Variants in ZYG11B observed in about 807,000 individuals in gnomAD.
ZYG11B encodes the protein protein zyg-11 homolog B.
ZYG11B carries 36 observed loss-of-function variants against 82.4 expected under a neutral mutation model. The observed-to-expected ratio is 0.44, with a 90% confidence interval of 0.33 to 0.58. The LOEUF (loss-of-function observed/expected upper bound fraction) is 0.58, where lower values mean the gene tolerates loss of function less well. Ranked by LOEUF, ZYG11B falls within the 20% of genes least tolerant of loss-of-function variation. ZYG11B has a pLI of 0.02. For synonymous variants in ZYG11B, 303 were observed against 312.8 expected (o/e 0.97, Z 0.33); for missense variants, 552 against 895.6 (o/e 0.62, Z 4.90).
chr1:52,807,985 T>A (rs141368944), intron 10 of ZYG11B, among the ~76,000 whole-genome samples: 9 of 152,360 alleles, frequency 5.9e-5, no homozygotes, highest in Non-Finnish European at 1.2e-4. Context: ...TCTGACTTGC[T>A]TCTTTCTAAT....
rs1268346317 is a variant in ZYG11B, at chr1:52,793,896, C to CTTCCTTCCTTCCTTCCTTCA, written c.1335-2390_1335-2389insCCTTCCTTCCTTCATTCCTT. 8.1e-3 allele frequency among the ~76,000 whole-genome samples: 1,212 copies of CTTCCTTCCTTCCTTCCTTCA among 148,962 alleles called. 21 individuals carry two copies. Among genetic ancestry groups the CTTCCTTCCTTCCTTCCTTCA allele is most frequent in the African/African-American group, 0.028 (1,109 of 39,760 alleles). ...CCTTCCTTCCTTCCTTCCTTCCTTC[C>CTTCCTTCCTTCCTTCCTTCA]TTCCTTTCTTTCCTTTCTTTCCTTT... On this transcript the variant is annotated intron_variant, in intron 6 of 13. Transcript: ENST00000294353.
intron 12 of ZYG11B, among the ~76,000 whole-genome samples, chr1:52,814,587 A>G (rs1645208478): frequency 6.6e-6 from 1 of 152,188 alleles, no homozygotes; most frequent in Non-Finnish European, 1.5e-5. Flanking sequence ...CCAGTGGGGT[A>G]GCACATACCT....
chr1:52,791,749 T>C (rs367712928), intron 6 of ZYG11B, among the ~76,000 whole-genome samples: 2 of 152,212 alleles, frequency 1.3e-5, no homozygotes, highest in African/African-American at 4.8e-5. Context: ...GAAAGAGGTG[T>C]TCCATTTTTT....
intron 1 of ZYG11B, among the ~76,000 whole-genome samples, chr1:52,755,724 C>T (rs552152525): frequency 1.3e-5 from 2 of 152,048 alleles, no homozygotes; most frequent in East Asian, 1.9e-4. Context: ...AGGCTGGTCT[C>T]GAACTCCCGA....
In ZYG11B at chr1:52,774,761, A is replaced by G. The variant is rs1644790150; in HGVS notation, c.951+2987A>G. 2.6e-5 allele frequency among the ~76,000 whole-genome samples: 4 copies of G among 151,692 alleles called. No individual in the cohort carries two copies. The South Asian group carries it at 8.3e-4, about 32-fold the overall frequency. Reference sequence around the variant, plus strand: ...TTACCATAGAATTTCCAGCTCTGTCATCAGTATTTCCCCACTCGATTTTCT... The same window carrying G: ...TTACCATAGAATTTCCAGCTCTGTCGTCAGTATTTCCCCACTCGATTTTCT... On this transcript the variant is annotated intron_variant, in intron 3 of 13. Coordinates refer to ENST00000294353, the MANE Select transcript of ZYG11B (RefSeq NM_024646.3).
chr1:52,786,982 C>T (rs1023954314), intron 5 of ZYG11B, among the ~76,000 whole-genome samples: 1 of 151,854 alleles, frequency 6.6e-6, no homozygotes, highest in Non-Finnish European at 1.5e-5. Flanking sequence ...CCCAGCTACT[C>T]GGGAGGCTGA....
chr1:52,821,414 G>T (rs745764072), intron 13 of ZYG11B, 25 bp from the exon 14 acceptor site: 1 of 1,531,660 alleles, frequency 6.5e-7, no homozygotes, highest in Non-Finnish European at 8.8e-7. Context: ...CTCCTGTTTT[G>T]TGTGTGTTTT....
chr1:52,809,776 A>G (rs1053105135), intron 10 of ZYG11B, among the ~76,000 whole-genome samples: 2 of 152,078 alleles, frequency 1.3e-5, no homozygotes, highest in Non-Finnish European at 2.9e-5. Context: ...GGTGTTGAGT[A>G]TATTTGTATG....
chr1:52,774,186 C>G (rs981605952), intron 3 of ZYG11B, among the ~76,000 whole-genome samples: 2 of 151,618 alleles, frequency 1.3e-5, no homozygotes, highest in Non-Finnish European at 2.9e-5. Flanking sequence ...GTTACCCAGG[C>G]TGGAGTACAG....
In ZYG11B at chr1:52,747,578, C is replaced by CT. The variant is rs936308963; in HGVS notation, c.31-8870dup. Among the ~76,000 whole-genome samples, 110 of 150,160 alleles carry CT rather than the reference C, an allele frequency of 7.3e-4. 1 individual carries two copies. Among genetic ancestry groups the CT allele is most frequent in the South Asian group, 2.8e-3 (13 of 4,726 alleles). ...ACCACTCTCTTAATTTGAACTCACT[C>CT]TTTTTTTTTTCTCTCTCTCGTAACA... On this transcript the variant is annotated intron_variant, in intron 1 of 13. Transcript: ENST00000294353.
chr1:52,820,501 A>G (rs904819138), intron 13 of ZYG11B, among the ~76,000 whole-genome samples: 1 of 151,668 alleles, frequency 6.6e-6, no homozygotes, highest in African/African-American at 2.4e-5. Context: ...ACAAAAATTT[A>G]GCCAGGTGTG....
chr1:52,772,826 C>T (rs927172753), intron 3 of ZYG11B, among the ~76,000 whole-genome samples: 2 of 151,924 alleles, frequency 1.3e-5, no homozygotes, highest in East Asian at 1.9e-4. Context: ...TACAGGCGCC[C>T]GCCACCACGC....
chr1:52,727,950 A>G (rs1191247601), intron 1 of ZYG11B, among the ~76,000 whole-genome samples: 1 of 152,160 alleles, frequency 6.6e-6, no homozygotes, highest in Non-Finnish European at 1.5e-5. Context: ...TCCCTCCAGC[A>G]GTTTTTTAGA....
At chr1:52,809,166 G>C (rs932737544) in intron 10 of ZYG11B, among the ~76,000 whole-genome samples, 3 of 151,250 alleles carry the variant, frequency 2.0e-5, no homozygotes, top group African/African-American at 7.3e-5. Context: ...GTTTTAAATT[G>C]TGGTAAACAA....
intron 10 of ZYG11B, among the ~76,000 whole-genome samples, chr1:52,802,985 A>T (rs1645090216): frequency 6.8e-6 from 1 of 147,718 alleles, no homozygotes; most frequent in Admixed American, 6.9e-5. Context: ...ACACCACTGC[A>T]CTCCAGCCTG....
chr1:52,761,224 T>G (rs1289467886), intron 2 of ZYG11B, among the ~76,000 whole-genome samples: 1 of 152,210 alleles, frequency 6.6e-6, no homozygotes, highest in South Asian at 2.1e-4. Flanking sequence ...TTGTAGCTAT[T>G]TGAAACTATG....
At chr1:52,731,833 C>T (rs1449983144) in intron 1 of ZYG11B, among the ~76,000 whole-genome samples, 1 of 152,196 alleles carries the variant, frequency 6.6e-6, no homozygotes, top group Non-Finnish European at 1.5e-5. Flanking sequence ...GACAGGATCT[C>T]ACTCTGTCAC....
At chr1:52,768,713 C>T (rs1248791977) in intron 2 of ZYG11B, among the ~76,000 whole-genome samples, 2 of 151,472 alleles carry the variant, frequency 1.3e-5, no homozygotes, top group Non-Finnish European at 2.9e-5. Flanking sequence ...TCTGCCTCAA[C>T]CTCCCAAGTA....
chr1:52,767,236 TA>T (rs1644704369), intron 2 of ZYG11B, among the ~76,000 whole-genome samples: 2 of 151,904 alleles, frequency 1.3e-5, no homozygotes, highest in South Asian at 4.1e-4. Context: ...TTTGTTATTT[TA>T]TTTTATGTTG....
Sources: allele counts gnomAD v4.1 joint callset (sites outside exome capture counted in the v4.1 genomes callset), GRCh38; gene constraint gnomAD v4.1.1; transcripts MANE v1.5; gene names NCBI Gene and HGNC (gene_info 2026-07-23, HGNC 2026-07-21).